Variants in GGA1 observed in about 807,000 individuals in gnomAD.
GGA1 encodes the protein golgi associated, gamma adaptin ear containing, ARF binding protein 1, also known as ADP-ribosylation factor-binding protein GGA1.
GGA1 carries 18 observed loss-of-function variants against 76.9 expected under a neutral mutation model. The observed-to-expected ratio is 0.23, with a 90% CI of 0.16 to 0.35. The LOEUF (loss-of-function observed/expected upper bound fraction) is 0.35, where lower values mean the gene tolerates loss of function less well. GGA1 is among the 10% of genes least tolerant of loss of function. The pLI is 1.00. For missense variants in GGA1, 755 were observed against 859.0 expected (o/e 0.88, Z 1.51); for synonymous variants, 342 against 354.7 (o/e 0.96, Z 0.40).
chr22:37,613,201 AC>A, intron 1 of GGA1: 2 of 974,372 alleles, frequency 2.1e-6, no homozygotes, highest in South Asian at 9.5e-5. Flanking sequence ...GGTAAGACTC[AC>A]ACTCCTTACT....
intron 13 of GGA1, 81 bp downstream of exon 13, chr22:37,630,251 G>A: frequency 1.9e-6 from 2 of 1,043,640 alleles, no homozygotes; most frequent in Non-Finnish European, 2.8e-6. Flanking sequence ...GGCTTGTCCA[G>A]GCCCAGCAGG....
Position 37,620,509 on chromosome 22 carries a change from C to T in GGA1, c.427+148C>T, listed in dbSNP as rs147799736. The T allele has an allele frequency of 1.3e-3, 1,079 of 826,716 alleles. 10 individuals are homozygous for T. In the African/African-American group the frequency reaches 0.016, roughly 13 times the overall value. The allele number at this position is 826,716 out of a possible 1,614,324, so 51.2% of individuals were successfully genotyped here. A position where few individuals can be genotyped will look rare whatever the true frequency, so the allele number is the denominator to read the frequency against. On this transcript the variant is annotated intron_variant, in intron 5 of 16. Coordinates refer to ENST00000343632, the MANE Select transcript of GGA1 (RefSeq NM_013365.5). ...CTGGAGAAAGTACATACAGCTAGTG[C>T]GGCCTTCTGTGCTCTGCCTGAGGCT...
chr22:37,616,848 C>T lies in GGA1; in HGVS notation c.129-74C>T, dbSNP rs115237196. On this transcript the variant is annotated intron_variant, in intron 2 of 16. Coordinates refer to ENST00000343632, the MANE Select transcript of GGA1 (RefSeq NM_013365.5). Reference sequence around the variant, plus strand: ...CCTTGGAGGAGGGCTGCAGTCCCAGCGGCCTGGGGTCGTGGCCCTAGGGTG... The same window carrying T: ...CCTTGGAGGAGGGCTGCAGTCCCAGTGGCCTGGGGTCGTGGCCCTAGGGTG... 1,260 of 1,452,472 alleles carry T rather than the reference C, an allele frequency of 8.7e-4. 9 individuals are homozygous for T. In the African/African-American group the frequency reaches 0.016, roughly 19 times the overall value. 90.0% of individuals were successfully genotyped at this position (1,452,472 alleles called of 1,614,324 possible). A position where few individuals can be genotyped will look rare whatever the true frequency, so the allele number is the denominator to read the frequency against.
At position 37,623,685 on chromosome 22, in the gene GGA1, C is replaced by T; in HGVS notation, c.832+52C>T. 2 of 1,222,098 alleles carry T rather than the reference C, an allele frequency of 1.6e-6. No individual in the cohort carries two copies. The highest frequency in any genetic ancestry group is 2.4e-6 in the Non-Finnish European group (2 of 850,000). The allele number at this position is 1,222,098 out of a possible 1,614,324, so 75.7% of individuals were successfully genotyped here. ...AGGTCCCCCCCTCTCCCTCCACCTCCTGCCCCCACCTCCCCCAGGCCCTGC... is the reference window on the plus strand; with the variant it reads ...AGGTCCCCCCCTCTCCCTCCACCTCTTGCCCCCACCTCCCCCAGGCCCTGC... On this transcript the variant is annotated intron_variant, in intron 9 of 16. Coordinates refer to ENST00000343632, the MANE Select transcript of GGA1 (RefSeq NM_013365.5). This position sits in a 1 kb window ranked among gnomAD's most constrained non-coding sequence, Gnocchi z 4.6.
intron 1 of GGA1, chr22:37,612,759 G>T (rs1428919903): frequency 2.2e-5 from 5 of 227,678 alleles, no homozygotes; most frequent in African/African-American, 9.5e-5. Flanking sequence ...GGGCAACAGC[G>T]TGAGACTCGT....
chr22:37,616,784 G>A lies in GGA1; in HGVS notation c.129-138G>A, dbSNP rs1441351942. ...CTTAGAGGGCTGAAGTCTCGGCGGC[G>A]GGCTGGGGTGGTGACCCTCCCCTAG... On this transcript the variant is annotated intron_variant, in intron 2 of 16. Coordinates refer to ENST00000343632, the MANE Select transcript of GGA1 (RefSeq NM_013365.5). 1.8e-5 allele frequency: 19 copies of A among 1,031,378 alleles called. No individual in the cohort carries two copies. In the South Asian group the frequency reaches 2.1e-4, roughly 11 times the overall value. 63.9% of individuals were successfully genotyped at this position (1,031,378 alleles called of 1,614,324 possible).
chr22:37,623,815 T>C lies in GGA1; in HGVS notation c.832+182T>C. 1.7e-6 allele frequency: 1 copy of C among 585,442 alleles called. No homozygotes were observed. Among genetic ancestry groups the C allele is most frequent in the South Asian group, 2.0e-5 (1 of 50,236 alleles). 36.3% of individuals were successfully genotyped at this position (585,442 alleles called of 1,614,324 possible). A position where few individuals can be genotyped will look rare whatever the true frequency, so the allele number is the denominator to read the frequency against. ...ACACAGAGCAGGGGCCGCCCCCCTGTTGAGAGGCCCTGTGGGCCAGCCCCC... is the reference window on the plus strand; with the variant it reads ...ACACAGAGCAGGGGCCGCCCCCCTGCTGAGAGGCCCTGTGGGCCAGCCCCC... On this transcript the variant is annotated intron_variant, in intron 9 of 16. Coordinates refer to ENST00000343632, the MANE Select transcript of GGA1 (RefSeq NM_013365.5). This position sits in a 1 kb window ranked among gnomAD's most constrained non-coding sequence, Gnocchi z 4.6.
In GGA1 at chr22:37,620,233, T is replaced by C. The variant is rs778616649; in HGVS notation, c.304-5T>C. ...ATCAAAGGCCTCCCCACTGTGTCCC[T>C]GAAGTATCTGGGCTCTCGGACATCG... On this transcript the variant is annotated splice_region_variant and splice_polypyrimidine_tract_variant and intron_variant, in intron 4 of 16. Transcript: ENST00000343632. The C allele has an allele frequency of 6.2e-7, 1 of 1,613,942 alleles. No homozygotes were observed. The highest frequency in any genetic ancestry group is 1.1e-5 in the South Asian group (1 of 91,084).
intron 6 of GGA1, 116 bp downstream of exon 6, chr22:37,621,029 G>A: frequency 1.4e-6 from 1 of 724,980 alleles, no homozygotes; most frequent in Non-Finnish European, 2.5e-6. Flanking sequence ...CTGAGCCCAG[G>A]CATCGTTGTA....
intron 13 of GGA1, chr22:37,630,680 C>T (rs1431505152): frequency 1.3e-5 from 7 of 549,222 alleles, no homozygotes; most frequent in Admixed American, 7.3e-5. Flanking sequence ...GATTCTCCTA[C>T]GTCAGGCTCC....
At chr22:37,618,399 G>A (rs368880682) in intron 3 of GGA1, 49 bp from the exon 4 acceptor site, 31 of 1,152,512 alleles carry the variant, frequency 2.7e-5, no homozygotes, top group Admixed American at 1.2e-4. Flanking sequence ...GGGAGGCCAC[G>A]GCCTCTGATG....
At position 37,632,669 on chromosome 22, in the gene GGA1, T is replaced by G. The variant is rs528995138; in HGVS notation, c.1878T>G (p.Asp626Glu). ...MGDQTYNEMG[D>E]VDQFPPPETW... ...ACCAGACCTACAACGAGATGGGGGA[T>G]GTGGACCAGTTCCCCCCACCTGAAA... Residue 626 changes from aspartate (D) to glutamate (E), a missense_variant, in exon 17 of 17, where the codon GAT becomes GAG. Coordinates refer to ENST00000343632, the MANE Select transcript of GGA1 (RefSeq NM_013365.5). The surrounding 1 kb of genome is among the most constrained non-coding windows in gnomAD (Gnocchi z 5.1). 6.2e-7 allele frequency: 1 copy of G among 1,612,220 alleles called. No individual in the cohort carries two copies. The highest frequency in any genetic ancestry group is 1.3e-5 in the African/African-American group (1 of 74,982).
chr22:37,629,382 C>T, intron 11 of GGA1, 80 bp from the exon 12 acceptor site: 1 of 962,296 alleles, frequency 1.0e-6, no homozygotes, highest in Non-Finnish European at 1.6e-6. Flanking sequence ...GAGCCCCATG[C>T]CAGCACACAT....
rs1417136982 is a variant in GGA1, at chr22:37,624,151, G to A, written c.832+518G>A. On this transcript the variant is annotated intron_variant, in intron 9 of 16. Transcript: ENST00000343632. The surrounding 1 kb of genome is among the most constrained non-coding windows in gnomAD (Gnocchi z 4.3). ...CCTGGGCCACTTGGGCTGCGGTCTG[G>A]GTACCATCCACTCCCTCATTAAGCA... 1 of 164,596 alleles carries A rather than the reference G, an allele frequency of 6.1e-6. No homozygotes were observed. The highest frequency in any genetic ancestry group is 1.7e-4 in the East Asian group (1 of 5,840). 10.2% of individuals were successfully genotyped at this position (164,596 alleles called of 1,614,324 possible).
In GGA1 at chr22:37,626,132, C is replaced by T. The variant is rs184448744; in HGVS notation, c.1093+183C>T. 4.1e-4 allele frequency: 179 copies of T among 431,710 alleles called. 1 individual carries two copies. Among genetic ancestry groups the T allele is most frequent in the Admixed American group, 3.5e-3 (84 of 24,304 alleles). The allele number at this position is 431,710 out of a possible 1,614,324, so 26.7% of individuals were successfully genotyped here. On this transcript the variant is annotated intron_variant, in intron 11 of 16. Transcript: ENST00000343632. ...GGCTCGGGGAAGTTAGGAGCTTGTG[C>T]GAGGCCACACGGCCAGAGGGTGAGG...
At chr22:37,619,208 G>A (rs1426536200) in intron 4 of GGA1, among the ~76,000 whole-genome samples, 1 of 152,026 alleles carries the variant, frequency 6.6e-6, no homozygotes, top group Non-Finnish European at 1.5e-5. Context: ...TGGGATTGCA[G>A]GTGCACGCCA....
At position 37,618,376 on chromosome 22, in the gene GGA1, C is replaced by G. The variant is rs1049062547; in HGVS notation, c.205-72C>G. 1.9e-5 allele frequency: 16 copies of G among 857,412 alleles called. 1 individual carries two copies. In the Admixed American group the frequency reaches 2.7e-4, roughly 14 times the overall value. 53.1% of individuals were successfully genotyped at this position (857,412 alleles called of 1,614,324 possible). A position where few individuals can be genotyped will look rare whatever the true frequency, so the allele number is the denominator to read the frequency against. ...CCACCCATGGGCTTCTGGCCCCTGT[C>G]CAAGGCGTGGGAGGGAGGCCACGGC... On this transcript the variant is annotated intron_variant, in intron 3 of 16. Transcript: ENST00000343632.
intron 1 of GGA1, among the ~76,000 whole-genome samples, chr22:37,611,367 C>T (rs1927550068): frequency 6.6e-6 from 1 of 151,990 alleles, no homozygotes. Flanking sequence ...AAAGCCCTCC[C>T]AGAGAGCAGC....
Position 37,620,316 on chromosome 22 carries a change from G to A in GGA1, c.382G>A (p.Glu128Lys), listed in dbSNP as rs759319824. ...LLYSWTVGLP[E>K]EVKIAEAYQM... ...CTACAGCTGGACAGTGGGCCTGCCC[G>A]AGGAGGTGAAAATCGCAGAGGCCTA... The change falls in exon 5 of 17, where the codon GAG (glutamate) becomes AAG (lysine). Residue 128 changes from glutamate to lysine, a missense_variant. Coordinates refer to ENST00000343632, the MANE Select transcript of GGA1 (RefSeq NM_013365.5). 21 of 1,613,846 alleles carry A rather than the reference G, an allele frequency of 1.3e-5. No homozygotes were observed. Among genetic ancestry groups the A allele is most frequent in the South Asian group, 3.3e-5 (3 of 91,070 alleles).
Sources: allele counts gnomAD v4.1 joint callset (sites outside exome capture counted in the v4.1 genomes callset), GRCh38; gene constraint gnomAD v4.1.1; non-coding constraint Gnocchi (gnomAD v3.1); transcripts MANE v1.5; gene names NCBI Gene and HGNC (gene_info 2026-07-23, HGNC 2026-07-21).